PID1: variants seen among roughly 807,000 people sequenced by gnomAD.
PID1 encodes PTB-containing, cubilin and LRP1-interacting protein.
In PID1, 10 loss-of-function variants were observed where a neutral mutation model predicts 19.1. The ratio of observed to expected loss-of-function variants is 0.52; its 90% CI spans 0.32 to 0.89. The LOEUF (loss-of-function observed/expected upper bound fraction) is 0.89. Ranked by LOEUF, PID1 falls within the 40% of genes least tolerant of loss-of-function variation. The pLI, the probability that PID1 is intolerant of heterozygous loss-of-function variation, is 0.03. For missense variants in PID1, 248 were observed against 285.3 expected (o/e 0.87, Z 0.94); for synonymous variants, 130 against 116.0 (o/e 1.12, Z -0.78).
At chr2:229,253,214 AG>A (rs1690200558) in intron 1 of PID1, among the ~76,000 whole-genome samples, 1 of 152,230 alleles carries the variant, frequency 6.6e-6, no homozygotes, top group South Asian at 2.1e-4. Context: ...TTTTGGCCAA[AG>A]CAGCTATTTG....
intron 2 of PID1, among the ~76,000 whole-genome samples, chr2:229,063,546 T>C (rs557635354): frequency 1.3e-5 from 2 of 152,160 alleles, no homozygotes; most frequent in African/African-American, 4.8e-5. Flanking sequence ...GCCTAACATA[T>C]GATCTATCCT....
At chr2:229,161,889 T>C (rs1055436603) in intron 1 of PID1, among the ~76,000 whole-genome samples, 1 of 152,234 alleles carries the variant, frequency 6.6e-6, no homozygotes, top group Non-Finnish European at 1.5e-5. Context: ...TAAAATGTTA[T>C]ATTAGCCATG....
intron 2 of PID1, among the ~76,000 whole-genome samples, chr2:229,080,065 G>A (rs924278423): frequency 1.3e-5 from 2 of 152,134 alleles, no homozygotes; most frequent in African/African-American, 4.8e-5. Context: ...CTGCCTCCCT[G>A]TTCTCCAGTC....
chr2:229,174,626 G>A (rs1204924734), intron 1 of PID1, among the ~76,000 whole-genome samples: 1 of 149,814 alleles, frequency 6.7e-6, no homozygotes, highest in African/African-American at 2.5e-5. Flanking sequence ...CAGTACCACA[G>A]ATATACTGTG....
intron 2 of PID1, among the ~76,000 whole-genome samples, chr2:229,081,697 C>T (rs1364601674): frequency 6.6e-6 from 1 of 152,174 alleles, no homozygotes; most frequent in African/African-American, 2.4e-5. Context: ...TGCTTTAGTT[C>T]CTTCCATTAA....
chr2:229,126,040 A>G (rs565130194), intron 2 of PID1, among the ~76,000 whole-genome samples: 2 of 152,270 alleles, frequency 1.3e-5, no homozygotes, highest in Admixed American at 6.5e-5. Context: ...ATAGTTATAC[A>G]GCCTAATTTC....
At chr2:229,103,119 C>G (rs182103531) in intron 2 of PID1, among the ~76,000 whole-genome samples, 63 of 152,200 alleles carry the variant, frequency 4.1e-4, no homozygotes, top group African/African-American at 1.4e-3. Flanking sequence ...CATAAGATGG[C>G]CATATTTCTA....
intron 2 of PID1, among the ~76,000 whole-genome samples, chr2:229,130,943 A>G (rs1689725919): frequency 6.6e-6 from 1 of 152,200 alleles, no homozygotes; most frequent in Non-Finnish European, 1.5e-5. Context: ...TGTAACTCCA[A>G]TCTTCACATG....
intron 1 of PID1, among the ~76,000 whole-genome samples, chr2:229,248,149 A>G (rs957377301): frequency 6.6e-6 from 1 of 152,218 alleles, no homozygotes; most frequent in African/African-American, 2.4e-5. Context: ...GTCACCAACT[A>G]ACTCAGTGAA....
chr2:229,084,217 G>A (rs950937304), intron 2 of PID1, among the ~76,000 whole-genome samples: 1 of 152,150 alleles, frequency 6.6e-6, no homozygotes, highest in African/African-American at 2.4e-5. Context: ...GGATAGAGAG[G>A]TGACAAGGTC....
intron 2 of PID1, among the ~76,000 whole-genome samples, chr2:229,120,230 T>TTCC (rs1695490350): frequency 1.3e-5 from 2 of 152,168 alleles, no homozygotes; most frequent in Non-Finnish European, 1.5e-5. Flanking sequence ...TAACTTTTGA[T>TTCC]TCCCCCAAAA....
chr2:229,115,729 G>A (rs1158177008), intron 2 of PID1, among the ~76,000 whole-genome samples: 1 of 152,150 alleles, frequency 6.6e-6, no homozygotes, highest in Non-Finnish European at 1.5e-5. Flanking sequence ...GCCCCACATT[G>A]TCTACTCAGA....
At chr2:229,259,992 T>C (rs1690413713) in intron 1 of PID1, among the ~76,000 whole-genome samples, 2 of 152,186 alleles carry the variant, frequency 1.3e-5, no homozygotes, top group South Asian at 4.1e-4. Context: ...GAGAAACTAA[T>C]GTCTGTAGTT....
At chr2:229,054,993 C>T (rs1294834265) in intron 2 of PID1, among the ~76,000 whole-genome samples, 1 of 152,146 alleles carries the variant, frequency 6.6e-6, no homozygotes. Flanking sequence ...ATGAGTACCT[C>T]AACAGAGGTC....
rs1017528599 is a variant in PID1, at chr2:229,271,026, C to T, written c.18G>A (p.Thr6=). 3.2e-6 allele frequency: 5 copies of T among 1,543,062 alleles called. No individual in the cohort carries two copies. Among genetic ancestry groups the T allele is most frequent in the Admixed American group, 2.0e-5 (1 of 50,430 alleles). The part of the protein sequence containing the change: MWQPA[T]ERLQHFQTML... ...GGGTGCCCCTTACCTGCAGGCGCTC[C>T]GTGGCCGGCTGCCACATCTTCCAGC... Residue 6 remains threonine, a synonymous_variant, in exon 1 of 3, where the codon ACG becomes ACA. Transcript: ENST00000392055.
At chr2:229,249,659 A>G (rs547237206) in intron 1 of PID1, among the ~76,000 whole-genome samples, 1 of 152,332 alleles carries the variant, frequency 6.6e-6, no homozygotes, top group African/African-American at 2.4e-5. Context: ...GAAGCAGAAG[A>G]ACAAACTGTG....
chr2:229,138,843 G>C (rs1318081272), intron 2 of PID1, among the ~76,000 whole-genome samples: 2 of 147,526 alleles, frequency 1.4e-5, no homozygotes, highest in Non-Finnish European at 3.0e-5. Flanking sequence ...CTGGACAGAT[G>C]AGACATACGA....
At position 229,071,627 on chromosome 2, in the gene PID1, C is replaced by T. The variant is rs749021317; in HGVS notation, c.178-45519G>A. Among the ~76,000 whole-genome samples the T allele has an allele frequency of 6.6e-5, 10 of 152,126 alleles. No homozygotes were observed. In the South Asian group the frequency reaches 8.3e-4, roughly 13 times the overall value. On this transcript the variant is annotated intron_variant, in intron 2 of 2. Coordinates refer to ENST00000392055, the MANE Select transcript of PID1 (RefSeq NM_001100818.2). ...TTTCTGCCACACATGGATTCATGCA[C>T]GCTAAGTTCTATTTGGTGTAATTAA...
At chr2:229,130,060 T>C (rs4973158) in intron 2 of PID1, among the ~76,000 whole-genome samples, 120,337 of 151,696 alleles carry the variant, frequency 0.79, 47,871 homozygotes, top group East Asian at 1. Flanking sequence ...AACCCTGTAC[T>C]TGTTCAGCTT....
Sources: gnomAD v4.1 joint callset for allele counts (sites outside exome capture counted in the v4.1 genomes callset) on GRCh38, gnomAD v4.1.1 for gene constraint, MANE v1.5 for transcripts, NCBI Gene and HGNC (gene_info 2026-07-23, HGNC 2026-07-21) for gene names.